The following ATG7 variants were observed in gnomAD, a reference collection of about 807,000 sequenced individuals.
ATG7 encodes ubiquitin-like modifier-activating enzyme ATG7.
ATG7 carries 70 observed loss-of-function variants against 82.4 expected under a neutral mutation model. The ratio of observed to expected loss-of-function variants is 0.85; its 90% CI spans 0.70 to 1.04. The LOEUF is 1.04. Among genes scored for constraint, ATG7 ranks in the 50% least tolerant of loss-of-function variants. The probability of loss-of-function intolerance (pLI) is 0.00; values close to 1 mark genes in which losing one functional copy is unlikely to be tolerated. For synonymous variants in ATG7, 287 were observed against 313.0 expected, an observed-to-expected ratio of 0.92 and a Z score of 0.88; for missense variants, 792 against 864.3, an observed-to-expected ratio of 0.92 and a Z score of 1.05.
intron 20 of ATG7, among the ~76,000 whole-genome samples, chr3:11,471,485 A>G (rs1002269315): frequency 1.3e-5 from 2 of 151,974 alleles, no homozygotes; most frequent in African/African-American, 4.8e-5. Context: ...TAGTAAAAAC[A>G]TTTAAAAAAT....
intron 20 of ATG7, among the ~76,000 whole-genome samples, chr3:11,429,103 T>C (rs964877918): frequency 2.0e-5 from 3 of 152,234 alleles, no homozygotes; most frequent in African/African-American, 7.2e-5. Flanking sequence ...AGATTAGAGA[T>C]GGTAAACTGT....
At chr3:11,523,479 C>CT in intron 20 of ATG7, among the ~76,000 whole-genome samples, 1 of 152,332 alleles carries the variant, frequency 6.6e-6, no homozygotes, top group South Asian at 2.1e-4. Context: ...CCCATTCTTC[C>CT]TTTAGGCAGA....
intron 19 of ATG7, among the ~76,000 whole-genome samples, chr3:11,396,617 A>C (rs1170057790): frequency 6.6e-6 from 1 of 152,078 alleles, no homozygotes; most frequent in Non-Finnish European, 1.5e-5. Flanking sequence ...CCTCTACAAA[A>C]AATACAAACT....
chr3:11,446,433 G>A, intron 20 of ATG7: 1 of 385,052 alleles, frequency 2.6e-6, no homozygotes, highest in Non-Finnish European at 5.0e-6. Flanking sequence ...TAAAGGAGGA[G>A]ACTCCTTAAT....
At chr3:11,509,804 A>G (rs1400802737) in intron 20 of ATG7, among the ~76,000 whole-genome samples, 1 of 152,178 alleles carries the variant, frequency 6.6e-6, no homozygotes, top group African/African-American at 2.4e-5. Context: ...CCAGCACTCA[A>G]ATTTTCCCTG....
rs559528797 is a variant in ATG7 at position 11,514,830 on chromosome 3, T to C, written c.2080-39981T>C. Reference sequence around the variant, plus strand: ...AGAAACTGCCAAGTTGCCAAGTGCATCTGGTCTAGGTTTTTTTTTTTTTTT... The same window carrying C: ...AGAAACTGCCAAGTTGCCAAGTGCACCTGGTCTAGGTTTTTTTTTTTTTTT... On this transcript the variant is annotated intron_variant, in intron 20 of 20. Transcript: ENST00000693202. 4.0e-5 allele frequency among the ~76,000 whole-genome samples: 6 copies of C among 150,720 alleles called. No individual in the cohort carries two copies. In the East Asian group the frequency reaches 1.2e-3, roughly 29 times the overall value.
intron 7 of ATG7, among the ~76,000 whole-genome samples, chr3:11,311,378 C>T (rs974464649): frequency 3.3e-5 from 5 of 151,760 alleles, no homozygotes; most frequent in African/African-American, 9.7e-5. Flanking sequence ...CCGAGGTAGG[C>T]GGATTGCCTG....
intron 9 of ATG7, among the ~76,000 whole-genome samples, chr3:11,318,541 G>A (rs1254393458): frequency 6.6e-6 from 1 of 152,286 alleles, no homozygotes; most frequent in East Asian, 1.9e-4. Flanking sequence ...GGCCCTGAAT[G>A]TTCCTGTCTC....
chr3:11,331,530 AT>A, intron 10 of ATG7, 102 bp downstream of exon 10: 2 of 1,033,148 alleles, frequency 1.9e-6, no homozygotes, highest in South Asian at 2.8e-5. Context: ...TAAATGCATT[AT>A]TTTTTCATTT....
chr3:11,563,335 T>C, the ATG7 span, among the ~76,000 whole-genome samples: 1 of 152,256 alleles, frequency 6.6e-6, no homozygotes, highest in African/African-American at 2.4e-5. Context: ...CCATGGCTCA[T>C]GGCAGCATTA....
intron 9 of ATG7, among the ~76,000 whole-genome samples, chr3:11,320,620 T>C (rs766474978): frequency 6.6e-6 from 1 of 152,204 alleles, no homozygotes; most frequent in Non-Finnish European, 1.5e-5. Flanking sequence ...TGATCTTTGA[T>C]TAATATATTT....
chr3:11,525,540 A>G (rs2092557518), intron 20 of ATG7, among the ~76,000 whole-genome samples: 2 of 145,370 alleles, frequency 1.4e-5, no homozygotes, highest in African/African-American at 5.3e-5. Flanking sequence ...AGCCAACATT[A>G]ATATCTAGTT....
intron 18 of ATG7, among the ~76,000 whole-genome samples, chr3:11,371,502 A>G (rs1233943401): frequency 1.3e-5 from 2 of 151,000 alleles, no homozygotes; most frequent in South Asian, 2.1e-4. Context: ...ACTGGAGGTG[A>G]TACGAGTGGC....
intron 3 of ATG7, among the ~76,000 whole-genome samples, chr3:11,285,599 A>G (rs1472191790): frequency 6.6e-6 from 1 of 152,062 alleles, no homozygotes; most frequent in African/African-American, 2.4e-5. Context: ...GAATATTTCC[A>G]TCTCCCCAGG....
At chr3:11,392,238 G>T (rs539195757) in intron 19 of ATG7, among the ~76,000 whole-genome samples, 1 of 152,106 alleles carries the variant, frequency 6.6e-6, no homozygotes, top group East Asian at 1.9e-4. Context: ...CTCCCATTTT[G>T]GTTAATTCTC....
chr3:11,382,942 C>G (rs1404634380), intron 19 of ATG7, among the ~76,000 whole-genome samples: 2 of 152,202 alleles, frequency 1.3e-5, no homozygotes, highest in Non-Finnish European at 2.9e-5. Flanking sequence ...TTCCCTTCCC[C>G]TACCCCATTT....
chr3:11,491,522 C>G (rs186410972), intron 20 of ATG7, among the ~76,000 whole-genome samples: 7 of 152,282 alleles, frequency 4.6e-5, no homozygotes, highest in African/African-American at 1.4e-4. Flanking sequence ...TGAGGAGCTG[C>G]GTTCCTTTGG....
chr3:11,401,525 T>C (rs1382409754), intron 19 of ATG7, among the ~76,000 whole-genome samples: 1 of 152,226 alleles, frequency 6.6e-6, no homozygotes, highest in Non-Finnish European at 1.5e-5. Context: ...ACTACACTCA[T>C]GGTATCCACT....
At chr3:11,299,462 T>C in intron 5 of ATG7, 46 bp downstream of exon 5, 1 of 1,554,456 alleles carries the variant, frequency 6.4e-7, no homozygotes, top group Non-Finnish European at 8.9e-7. Flanking sequence ...ATACTACTTT[T>C]GGCAAGGAAT....
Sources: allele counts gnomAD v4.1 joint callset (sites outside exome capture counted in the v4.1 genomes callset), GRCh38; gene constraint gnomAD v4.1.1; transcripts MANE v1.5; gene names NCBI Gene and HGNC (gene_info 2026-07-23, HGNC 2026-07-21).